Variants in EPS8 observed in about 807,000 individuals in gnomAD.
EPS8 encodes the protein EGFR pathway substrate 8, signaling adaptor.
A neutral mutation model predicts 103.8 loss-of-function variants in EPS8; 42 were observed. The observed-to-expected ratio is 0.40, with a 90% CI of 0.32 to 0.52. The LOEUF (loss-of-function observed/expected upper bound fraction) is 0.52. Ranked by LOEUF, EPS8 falls within the 20% of genes least tolerant of loss-of-function variation. The pLI is 0.40. For synonymous variants in EPS8, 344 were observed against 344.6 expected (o/e 1.00, Z 0.02); for missense variants, 969 against 1,005.1 (o/e 0.96, Z 0.49).
At chr12:15,712,503 C>T (rs992269792) in intron 1 of EPS8, among the ~76,000 whole-genome samples, 2 of 152,122 alleles carry the variant, frequency 1.3e-5, no homozygotes, top group African/African-American at 4.8e-5. Context: ...GTATATTATG[C>T]CCATGGATTC....
At chr12:15,750,759 T>C (rs905804957) in intron 1 of EPS8, among the ~76,000 whole-genome samples, 1 of 152,206 alleles carries the variant, frequency 6.6e-6, no homozygotes, top group Non-Finnish European at 1.5e-5. Flanking sequence ...ACTTACAGCA[T>C]TGTTGTGTGT....
Position 15,787,405 on chromosome 12 carries a change from C to CT in EPS8, c.-22+1755dup, listed in dbSNP as rs1385346341. ...AGCTAGAAATAAAAACAAAATAAAT[C>CT]TTTAAGTTTGATCACAAACAAGCAA... On this transcript the variant is annotated intron_variant, in intron 1 of 20. Transcript: ENST00000281172. This position sits in a 1 kb window ranked among gnomAD's most constrained non-coding sequence, Gnocchi z 4.9. Among the ~76,000 whole-genome samples, 1 of 152,128 alleles carries CT rather than the reference C, an allele frequency of 6.6e-6. No individual in the cohort carries two copies. Among genetic ancestry groups the CT allele is most frequent in the Non-Finnish European group, 1.5e-5 (1 of 67,992 alleles).
At chr12:15,639,415 G>A (rs1945191012) in intron 17 of EPS8, among the ~76,000 whole-genome samples, 1 of 152,054 alleles carries the variant, frequency 6.6e-6, no homozygotes, top group African/African-American at 2.4e-5. Flanking sequence ...GGGAAATGGA[G>A]GAGACCATAC....
rs1946250833 is a variant in EPS8 at position 15,696,904 on chromosome 12, C to G, written c.-21-13932G>C. On this transcript the variant is annotated intron_variant, in intron 1 of 20. Coordinates refer to ENST00000281172, the MANE Select transcript of EPS8 (RefSeq NM_004447.6). The surrounding 1 kb of genome is among the most constrained non-coding windows in gnomAD (Gnocchi z 4.8). ...TGGATTAGCAGGGAAGGGAGAGTGACCAAAGAACCTTCATGTTCCCGGATC... is the reference window on the plus strand; with the variant it reads ...TGGATTAGCAGGGAAGGGAGAGTGAGCAAAGAACCTTCATGTTCCCGGATC... Among the ~76,000 whole-genome samples, 1 of 152,042 alleles carries G rather than the reference C, an allele frequency of 6.6e-6. No homozygotes were observed. Among genetic ancestry groups the G allele is most frequent in the Non-Finnish European group, 1.5e-5 (1 of 68,004 alleles).
chr12:15,739,449 T>G lies in EPS8; in HGVS notation c.-22+49712A>C, dbSNP rs553093031. Among the ~76,000 whole-genome samples the G allele has an allele frequency of 1.3e-5, 2 of 152,238 alleles. 1 individual carries two copies. The highest frequency in any genetic ancestry group is 4.8e-5 in the African/African-American group (2 of 41,548). ...AGTCGGTGGCCTGGGGAGGAGGATC[T>G]GCTGCCCTGAATGTGGATGGGCACC... On this transcript the variant is annotated intron_variant, in intron 1 of 20. Transcript: ENST00000281172.
At chr12:15,739,521 G>T (rs1946798746) in intron 1 of EPS8, among the ~76,000 whole-genome samples, 1 of 152,028 alleles carries the variant, frequency 6.6e-6, no homozygotes, top group Admixed American at 6.6e-5. Context: ...GTGGAGGAAG[G>T]GTGAATTTCT....
chr12:15,678,044 TG>T (rs1945940118), intron 3 of EPS8, among the ~76,000 whole-genome samples: 1 of 152,218 alleles, frequency 6.6e-6, no homozygotes, highest in Non-Finnish European at 1.5e-5. Context: ...TTTTCCCATG[TG>T]GCCGGATCTC....
At chr12:15,740,311 C>G (rs554925414) in intron 1 of EPS8, among the ~76,000 whole-genome samples, 18 of 152,242 alleles carry the variant, frequency 1.2e-4, no homozygotes, top group African/African-American at 3.9e-4. Context: ...CTTTGGGAGG[C>G]TGAGGCTGGC....
At chr12:15,631,716 T>G in intron 17 of EPS8, 52 bp from the exon 18 acceptor site, 3,328 of 1,142,628 alleles carry the variant, frequency 2.9e-3, no homozygotes, top group Non-Finnish European at 3.8e-3. Flanking sequence ...AAACCTAGGC[T>G]AGGAAAACAA....
At chr12:15,665,703 A>G in intron 8 of EPS8, 53 bp downstream of exon 8, 1 of 1,596,000 alleles carries the variant, frequency 6.3e-7, no homozygotes, top group Non-Finnish European at 8.6e-7. Flanking sequence ...AGCAAGAACT[A>G]TGTCCCAACC....
intron 8 of EPS8, chr12:15,665,160 C>T (rs1026079268): frequency 8.5e-5 from 13 of 152,068 alleles, no homozygotes; most frequent in African/African-American, 3.1e-4. Context: ...TTAAGAAAAA[C>T]CTGTATATAT....
intron 11 of EPS8, 61 bp downstream of exon 11, chr12:15,658,436 G>A (rs1217402297): frequency 9.0e-7 from 1 of 1,115,538 alleles, no homozygotes; most frequent in Non-Finnish European, 1.4e-6. Flanking sequence ...GAAACATCCT[G>A]ACTAGATTTT....
At chr12:15,663,944 A>AATAATAAT (rs869135353) in intron 8 of EPS8, among the ~76,000 whole-genome samples, 9 of 85,962 alleles carry the variant, frequency 1.0e-4, no homozygotes, top group East Asian at 7.1e-4. Context: ...AAAAAAAAAA[A>AATAATAAT]AATAATATAT....
rs1349539118 is a variant in EPS8, at chr12:15,747,541, G to C, written c.-22+41620C>G. ...ACCCCCAGTTACCATCTACAACACT[G>C]CATTAGTAAGAAAGTGGCAAATGAT... On this transcript the variant is annotated intron_variant, in intron 1 of 20. Coordinates refer to ENST00000281172, the MANE Select transcript of EPS8 (RefSeq NM_004447.6). This position sits in a 1 kb window ranked among gnomAD's most constrained non-coding sequence, Gnocchi z 4.4. 6.6e-6 allele frequency among the ~76,000 whole-genome samples: 1 copy of C among 152,090 alleles called. No individual in the cohort carries two copies. Among genetic ancestry groups the C allele is most frequent in the Non-Finnish European group, 1.5e-5 (1 of 68,020 alleles).
chr12:15,772,957 T>C lies in EPS8; in HGVS notation c.-22+16204A>G, dbSNP rs1031531234. ...CAAGTAAAAACTAAACATTTTCCTT[T>C]TGGTTTAGCTTTTAGAAGATGGCAG... On this transcript the variant is annotated intron_variant, in intron 1 of 20. Coordinates refer to ENST00000281172, the MANE Select transcript of EPS8 (RefSeq NM_004447.6). This position sits in a 1 kb window ranked among gnomAD's most constrained non-coding sequence, Gnocchi z 5.0. 2.6e-5 allele frequency among the ~76,000 whole-genome samples: 4 copies of C among 152,272 alleles called. No homozygotes were observed. The South Asian group carries it at 8.3e-4, about 32-fold the overall frequency.
intron 15 of EPS8, among the ~76,000 whole-genome samples, chr12:15,644,153 C>T (rs1006097260): frequency 2.6e-5 from 4 of 152,210 alleles, no homozygotes; most frequent in African/African-American, 9.6e-5. Flanking sequence ...ATAGCTGAGT[C>T]TCAGCCAATC....
At position 15,695,585 on chromosome 12, in the gene EPS8, A is replaced by G. The variant is rs983911421; in HGVS notation, c.-21-12613T>C. On this transcript the variant is annotated intron_variant, in intron 1 of 20. Transcript: ENST00000281172. The surrounding 1 kb of genome is among the most constrained non-coding windows in gnomAD (Gnocchi z 5.0). ...CATATAGACTAACAGCTACCACACT[A>G]GACAGGGTAGCTCTACATATTGAGT... Among the ~76,000 whole-genome samples, 1 of 152,236 alleles carries G rather than the reference A, an allele frequency of 6.6e-6. No individual in the cohort carries two copies. The highest frequency in any genetic ancestry group is 2.4e-5 in the African/African-American group (1 of 41,458).
At chr12:15,640,154 A>G (rs753354534) in intron 17 of EPS8, among the ~76,000 whole-genome samples, 2 of 152,276 alleles carry the variant, frequency 1.3e-5, no homozygotes, top group Non-Finnish European at 2.9e-5. Flanking sequence ...TGACCTATCT[A>G]ATCTATATCC....
At chr12:15,643,599 C>A (rs1393552741) in intron 15 of EPS8, among the ~76,000 whole-genome samples, 1 of 151,928 alleles carries the variant, frequency 6.6e-6, no homozygotes, top group Non-Finnish European at 1.5e-5. Context: ...ATTAGCTGGG[C>A]ACGGTGGCAC....
Sources: gnomAD v4.1 joint callset for allele counts (sites outside exome capture counted in the v4.1 genomes callset) on GRCh38, gnomAD v4.1.1 for gene constraint, Gnocchi (gnomAD v3.1) non-coding constraint, MANE v1.5 for transcripts, NCBI Gene and HGNC (gene_info 2026-07-23, HGNC 2026-07-21) for gene names.